The following S100Z variants were observed in gnomAD, a reference collection of about 807,000 sequenced individuals.
S100Z encodes the protein S100 calcium binding protein Z.
Under a neutral mutation model 8.5 loss-of-function variants are expected in S100Z, and 11 were observed. The ratio of observed to expected loss-of-function variants is 1.30; its 90% CI spans 0.82 to 2.15. The LOEUF is 2.15. Ranked by LOEUF, S100Z falls within the 30% of genes most tolerant of loss-of-function variation. The probability of loss-of-function intolerance (pLI) is 0.00; values close to 1 mark genes in which losing one functional copy is unlikely to be tolerated. For synonymous variants in S100Z, 34 were observed against 43.8 expected, an observed-to-expected ratio of 0.78 and a Z score of 0.89; for missense variants, 126 against 117.9, an observed-to-expected ratio of 1.07 and a Z score of -0.32.
At chr5:76,914,165 G>A (rs1339194457) in intron 4 of S100Z, among the ~76,000 whole-genome samples, 2 of 152,042 alleles carry the variant, frequency 1.3e-5, no homozygotes, top group Admixed American at 6.6e-5. Context: ...CAACTGCAGG[G>A]CTCCTTCTTT....
chr5:76,885,379 G>C (rs1461521684), intron 4 of S100Z, among the ~76,000 whole-genome samples: 4 of 150,358 alleles, frequency 2.7e-5, no homozygotes, highest in Non-Finnish European at 5.9e-5. Flanking sequence ...TTATCTCCCA[G>C]GAAAGTGGGA....
At chr5:76,888,135 T>C (rs954578966) in intron 4 of S100Z, among the ~76,000 whole-genome samples, 1 of 151,286 alleles carries the variant, frequency 6.6e-6, no homozygotes, top group Non-Finnish European at 1.5e-5. Context: ...TGTGTGCCTG[T>C]AGTCCCAGCT....
chr5:76,943,867 C>T, the S100Z span, among the ~76,000 whole-genome samples: 5 of 152,140 alleles, frequency 3.3e-5, no homozygotes, highest in African/African-American at 1.2e-4. Context: ...ATGCAGAAAC[C>T]AGAATGGGGC....
intron 4 of S100Z, among the ~76,000 whole-genome samples, chr5:76,917,543 A>G (rs1744892260): frequency 6.6e-6 from 1 of 152,140 alleles, no homozygotes; most frequent in Non-Finnish European, 1.5e-5. Flanking sequence ...AAAATCAGAA[A>G]TTGGCCTGGC....
At chr5:76,949,889 C>T in the S100Z span, among the ~76,000 whole-genome samples, 6 of 152,136 alleles carry the variant, frequency 3.9e-5, no homozygotes, top group African/African-American at 1.4e-4. Context: ...TGTTGTACAA[C>T]GTTGTGCCTA....
chr5:76,891,621 G>A (rs183142037), intron 4 of S100Z, among the ~76,000 whole-genome samples: 41 of 152,276 alleles, frequency 2.7e-4, no homozygotes, highest in Admixed American at 2.2e-3. Context: ...AGATGGTCTA[G>A]ACTCTAGGAT....
the S100Z span, among the ~76,000 whole-genome samples, chr5:76,946,032 C>T: frequency 6.6e-6 from 1 of 152,298 alleles, no homozygotes; most frequent in African/African-American, 2.4e-5. Context: ...GCAGGCATCT[C>T]GCTTTAGGCT....
intron 4 of S100Z, among the ~76,000 whole-genome samples, chr5:76,887,190 T>C (rs558155865): frequency 6.7e-6 from 1 of 148,354 alleles, no homozygotes; most frequent in East Asian, 2.1e-4. Flanking sequence ...TCTGCCTCCA[T>C]GGTTCAAGCG....
At chr5:76,944,360 T>C in the S100Z span, among the ~76,000 whole-genome samples, 1 of 152,218 alleles carries the variant, frequency 6.6e-6, no homozygotes, top group East Asian at 1.9e-4. Flanking sequence ...CCTGGTGCTC[T>C]GGAGGAAGAT....
chr5:76,914,774 C>G (rs560347294), intron 4 of S100Z, among the ~76,000 whole-genome samples: 1 of 151,798 alleles, frequency 6.6e-6, no homozygotes, highest in South Asian at 2.1e-4. Flanking sequence ...CTGGAAGGAA[C>G]AAACAACTCC....
At chr5:76,931,104 CTT>C in the S100Z span, among the ~76,000 whole-genome samples, 1 of 145,722 alleles carries the variant, frequency 6.9e-6, no homozygotes, top group African/African-American at 2.5e-5. Context: ...TTCTTTCTTC[CTT>C]TTTTTTTTTC....
chr5:76,901,603 T>G (rs77223408), intron 4 of S100Z, among the ~76,000 whole-genome samples: 2,192 of 151,922 alleles, frequency 0.014, 63 homozygotes, highest in East Asian at 0.11. Context: ...CTGGCCTGGG[T>G]CTCACCCTTC....
At chr5:76,867,285 T>A (rs1025358014) in intron 1 of S100Z, among the ~76,000 whole-genome samples, 5 of 151,998 alleles carry the variant, frequency 3.3e-5, no homozygotes, top group African/African-American at 7.3e-5. Context: ...GCTAGGAAAA[T>A]GATAGAACAT....
intron 1 of S100Z, among the ~76,000 whole-genome samples, chr5:76,851,736 T>C (rs2150615953): frequency 6.6e-6 from 1 of 152,264 alleles, no homozygotes; most frequent in Middle Eastern, 3.4e-3. Flanking sequence ...GTCAGTTTAT[T>C]TATACTCTCC....
At chr5:76,939,517 C>CTCTTT in the S100Z span, among the ~76,000 whole-genome samples, 22,330 of 139,830 alleles carry the variant, frequency 0.16, 2,411 homozygotes, top group African/African-American at 0.27. Flanking sequence ...TGGTGTTTAA[C>CTCTTT]TTTTTTTTTT....
chr5:76,942,664 A>T, the S100Z span, among the ~76,000 whole-genome samples: 1 of 152,096 alleles, frequency 6.6e-6, no homozygotes, highest in East Asian at 1.9e-4. Context: ...TCAGCTCTTC[A>T]TCCACTTCCT....
chr5:76,890,312 C>T (rs1320727256), intron 4 of S100Z, among the ~76,000 whole-genome samples: 2 of 152,182 alleles, frequency 1.3e-5, no homozygotes, highest in Non-Finnish European at 2.9e-5. Context: ...GTGTGAGCCA[C>T]TATGCCCAGC....
At chr5:76,882,126 G>A (rs1046586461) in intron 4 of S100Z, among the ~76,000 whole-genome samples, 4 of 152,078 alleles carry the variant, frequency 2.6e-5, no homozygotes, top group Admixed American at 6.6e-5. Context: ...AGTGGAGGGG[G>A]GCAGAAATTA....
At chr5:76,857,100 C>A (rs899707489) in intron 1 of S100Z, among the ~76,000 whole-genome samples, 5 of 151,958 alleles carry the variant, frequency 3.3e-5, no homozygotes, top group Admixed American at 3.3e-4. Context: ...AAGACCAGCC[C>A]GGCCAACATG....
Sources: gnomAD v4.1 joint callset for allele counts (sites outside exome capture counted in the v4.1 genomes callset) on GRCh38, gnomAD v4.1.1 for gene constraint, MANE v1.5 for transcripts, NCBI Gene and HGNC (gene_info 2026-07-23, HGNC 2026-07-21) for gene names.